Variants in FNDC3B observed in about 807,000 individuals in gnomAD.
The protein encoded by FNDC3B is fibronectin type III domain-containing protein 3B.
FNDC3B carries 12 observed loss-of-function variants against 151.5 expected under a neutral mutation model. That is an observed-to-expected ratio of 0.08 (90% CI 0.05 to 0.13). The LOEUF is 0.13. FNDC3B is among the 10% of genes least tolerant of loss of function. The pLI is 1.00. For missense variants in FNDC3B, 1,214 were observed against 1,505.3 expected, an observed-to-expected ratio of 0.81 and a Z score of 3.20; for synonymous variants, 528 against 549.0, an observed-to-expected ratio of 0.96 and a Z score of 0.54.
At chr3:172,341,951 T>C (rs1002363631) in intron 17 of FNDC3B, among the ~76,000 whole-genome samples, 1 of 152,182 alleles carries the variant, frequency 6.6e-6, no homozygotes, top group Non-Finnish European at 1.5e-5. Flanking sequence ...CTCAGAAAAG[T>C]GAATGAGAAA....
intron 11 of FNDC3B, 140 bp downstream of exon 11, chr3:172,311,021 T>C: frequency 1.5e-6 from 1 of 658,548 alleles, no homozygotes; most frequent in Non-Finnish European, 2.7e-6. Flanking sequence ...AATCAATAGT[T>C]ATTGACTATG....
chr3:172,366,612 T>A (rs1734632568), intron 23 of FNDC3B, among the ~76,000 whole-genome samples: 1 of 152,220 alleles, frequency 6.6e-6, no homozygotes, highest in African/African-American at 2.4e-5. Context: ...CTTAAGGAAC[T>A]CACAGTCTGG....
chr3:172,207,165 C>T (rs1206750596), intron 3 of FNDC3B, among the ~76,000 whole-genome samples: 1 of 152,032 alleles, frequency 6.6e-6, no homozygotes, highest in Non-Finnish European at 1.5e-5. Flanking sequence ...CAGTAATTTT[C>T]AACAGTCTTT....
At chr3:172,289,979 T>C (rs904942530) in intron 7 of FNDC3B, among the ~76,000 whole-genome samples, 4 of 152,210 alleles carry the variant, frequency 2.6e-5, no homozygotes, top group African/African-American at 9.6e-5. Flanking sequence ...GCAGTATTTA[T>C]AGTTTGTAGC....
intron 11 of FNDC3B, among the ~76,000 whole-genome samples, chr3:172,314,014 A>T (rs1731654977): frequency 6.6e-6 from 1 of 152,218 alleles, no homozygotes; most frequent in African/African-American, 2.4e-5. Flanking sequence ...GGAGAACGGC[A>T]TCTGGTCTGT....
chr3:172,333,488 A>ATT (rs748224819), intron 14 of FNDC3B, among the ~76,000 whole-genome samples: 1,233 of 102,688 alleles, frequency 0.012, 26 homozygotes, highest in African/African-American at 0.04. Flanking sequence ...TGCCCGGCTA[A>ATT]TTTTTTTTTT....
chr3:172,196,748 A>G (rs1242640158), intron 3 of FNDC3B, among the ~76,000 whole-genome samples: 1 of 152,204 alleles, frequency 6.6e-6, no homozygotes, highest in Non-Finnish European at 1.5e-5. Flanking sequence ...AGGATGAGCC[A>G]CACAGATGAT....
At position 172,349,243 on chromosome 3, in the gene FNDC3B, G is replaced by C. The variant is rs991597565; in HGVS notation, c.2514+1882G>C. On this transcript the variant is annotated intron_variant, in intron 21 of 25. Transcript: ENST00000415807. The stretch of plus-strand genomic sequence containing the variant: ...TGTAGTGACCTGTGACTGCACCACT[G>C]TAGGCCAGCGTGGGCGACAGAGTGA... Among the ~76,000 whole-genome samples the C allele has an allele frequency of 3.9e-5, 6 of 152,142 alleles. No individual in the cohort carries two copies. In the East Asian group the frequency reaches 5.8e-4, roughly 15 times the overall value.
intron 1 of FNDC3B, among the ~76,000 whole-genome samples, chr3:172,090,676 T>G (rs1198513574): frequency 1.3e-5 from 2 of 152,174 alleles, no homozygotes; most frequent in Non-Finnish European, 2.9e-5. Flanking sequence ...CCTTGTGTGA[T>G]CCGGGTACTG....
rs1207254687 is a variant in FNDC3B, at chr3:172,398,279, T to G, written c.*804T>G. The G allele has an allele frequency of 6.5e-6, 1 of 152,672 alleles. No individual in the cohort carries two copies. Among genetic ancestry groups the G allele is most frequent in the African/African-American group, 2.4e-5 (1 of 41,458 alleles). The allele number at this position is 152,672 out of a possible 1,614,324, so 9.5% of individuals were successfully genotyped here. On this transcript the variant is annotated 3_prime_UTR_variant, in exon 26 of 26. Transcript: ENST00000415807. Reference sequence around the variant, plus strand: ...TAACTTGTTTGTTTGTCTTTGTATATAACTACTTCTAATCTAATCACTAGA... The same window carrying G: ...TAACTTGTTTGTTTGTCTTTGTATAGAACTACTTCTAATCTAATCACTAGA...
chr3:172,279,156 G>A (rs1235122203), intron 6 of FNDC3B, among the ~76,000 whole-genome samples: 2 of 146,432 alleles, frequency 1.4e-5, no homozygotes, highest in Non-Finnish European at 3.0e-5. Context: ...GAGGCCATTT[G>A]CCTGTGAGGG....
intron 1 of FNDC3B, among the ~76,000 whole-genome samples, chr3:172,103,362 A>G (rs571222260): frequency 2.2e-4 from 33 of 152,218 alleles, no homozygotes; most frequent in African/African-American, 7.2e-4. Flanking sequence ...TTATATTAAT[A>G]GGGGTTTACG....
At chr3:172,156,828 T>C (rs1003854350) in intron 3 of FNDC3B, among the ~76,000 whole-genome samples, 1 of 152,140 alleles carries the variant, frequency 6.6e-6, no homozygotes, top group Non-Finnish European at 1.5e-5. Flanking sequence ...AAATCACTTA[T>C]CCTTGTAGAA....
At chr3:172,059,658 G>A (rs377654232) in intron 1 of FNDC3B, among the ~76,000 whole-genome samples, 1 of 152,154 alleles carries the variant, frequency 6.6e-6, no homozygotes, top group African/African-American at 2.4e-5. Flanking sequence ...ATACAAGTTA[G>A]GCGTATTGTT....
chr3:172,096,137 A>C (rs1253367683), intron 1 of FNDC3B, among the ~76,000 whole-genome samples: 1 of 152,228 alleles, frequency 6.6e-6, no homozygotes, highest in Non-Finnish European at 1.5e-5. Flanking sequence ...ATTCTGGGGC[A>C]AAGTGCCATT....
chr3:172,341,289 T>C, intron 17 of FNDC3B, 58 bp downstream of exon 17: 1 of 1,210,584 alleles, frequency 8.3e-7, no homozygotes. Context: ...ACAAACTGTC[T>C]ATAACATCAG....
intron 14 of FNDC3B, 88 bp from the exon 15 acceptor site, chr3:172,334,856 C>T: frequency 8.1e-7 from 1 of 1,233,958 alleles, no homozygotes; most frequent in Non-Finnish European, 1.1e-6. Context: ...TTTATGGGTG[C>T]CTTAATCTCA....
intron 1 of FNDC3B, among the ~76,000 whole-genome samples, chr3:172,095,117 T>C (rs1719035171): frequency 6.6e-6 from 1 of 152,210 alleles, no homozygotes; most frequent in Non-Finnish European, 1.5e-5. Context: ...TTCTGTCTAA[T>C]TCTGACCTTA....
At chr3:172,068,989 A>C (rs1382668634) in intron 1 of FNDC3B, among the ~76,000 whole-genome samples, 1 of 152,224 alleles carries the variant, frequency 6.6e-6, no homozygotes, top group Non-Finnish European at 1.5e-5. Flanking sequence ...GTAGCCAGGC[A>C]GTTGTGGTCT....
Sources: gnomAD v4.1 joint callset for allele counts (sites outside exome capture counted in the v4.1 genomes callset) on GRCh38, gnomAD v4.1.1 for gene constraint, MANE v1.5 for transcripts, NCBI Gene and HGNC (gene_info 2026-07-23, HGNC 2026-07-21) for gene names.